The following FGL1 variants were observed in gnomAD, a reference collection of about 807,000 sequenced individuals.
FGL1 encodes the protein fibrinogen like 1.
In FGL1, 59 loss-of-function variants were observed where a neutral mutation model predicts 43.7. That is an observed-to-expected ratio of 1.35 (90% CI 1.10 to 1.68). The LOEUF (loss-of-function observed/expected upper bound fraction) is 1.68. FGL1 is among the 40% of genes most tolerant of loss of function. The pLI is 0.00. For synonymous variants in FGL1, 192 were observed against 126.5 expected, an observed-to-expected ratio of 1.52 and a Z score of -3.48; for missense variants, 596 against 373.0, an observed-to-expected ratio of 1.60 and a Z score of -4.92.
In FGL1 at chr8:17,874,784, CTTTCTTCTTT is replaced by C. The variant is rs1424163400; in HGVS notation, c.245-273_245-264del. The C allele has an allele frequency of 1.4e-3, 377 of 265,654 alleles. 1 individual carries two copies. Among genetic ancestry groups the C allele is most frequent in the African/African-American group, 7.7e-3 (349 of 45,280 alleles). 16.5% of individuals were successfully genotyped at this position (265,654 alleles called of 1,614,324 possible). A position where few individuals can be genotyped will look rare whatever the true frequency, so the allele number is the denominator to read the frequency against. On this transcript the variant is annotated intron_variant, in intron 3 of 7. Coordinates refer to ENST00000427924, the MANE Select transcript of FGL1 (RefSeq NM_004467.4). ...GAAATAAGAATCTAGTTTTTTGTTT[CTTTCTTCTTT>C]TTTCTTTTACATTTTTTTTAAGAAA...
intron 3 of FGL1, among the ~76,000 whole-genome samples, chr8:17,875,031 A>G (rs1479164872): frequency 6.6e-6 from 1 of 152,210 alleles, no homozygotes; most frequent in African/African-American, 2.4e-5. Context: ...GTTTTATCAG[A>G]CGGAATAGTA....
chr8:17,884,859 A>G (rs1185094915), intron 2 of FGL1, among the ~76,000 whole-genome samples: 2 of 152,160 alleles, frequency 1.3e-5, no homozygotes, highest in African/African-American at 2.4e-5. Context: ...GGACAACACA[A>G]GTTCGATGTA....
At chr8:17,865,167 G>C (rs1431758947) in intron 7 of FGL1, among the ~76,000 whole-genome samples, 3 of 151,994 alleles carry the variant, frequency 2.0e-5, no homozygotes, top group Non-Finnish European at 4.4e-5. Context: ...ACAGTGCATT[G>C]AAAAATAAGC....
intron 3 of FGL1, among the ~76,000 whole-genome samples, chr8:17,880,323 G>A (rs745604165): frequency 5.9e-5 from 9 of 152,194 alleles, no homozygotes; most frequent in Non-Finnish European, 1.0e-4. Flanking sequence ...AGTCTCATGC[G>A]CTACAGTGTG....
At chr8:17,867,929 T>G (rs2053294768) in intron 7 of FGL1, among the ~76,000 whole-genome samples, 1 of 152,080 alleles carries the variant, frequency 6.6e-6, no homozygotes, top group Non-Finnish European at 1.5e-5. Context: ...AATTAGCCCA[T>G]GTACCCCAGA....
rs2053438550 is a variant in FGL1, at chr8:17,875,539, T to TTCTTTCTCTC, written c.245-1019_245-1018insGAGAGAAAGA. Among the ~76,000 whole-genome samples, 4 of 14,658 alleles carry TTCTTTCTCTC rather than the reference T, an allele frequency of 2.7e-4. 1 individual carries two copies. Among genetic ancestry groups the TTCTTTCTCTC allele is most frequent in the South Asian group, 3.8e-3 (2 of 526 alleles). 9.6% of individuals were successfully genotyped at this position (14,658 alleles called of 152,430 possible). ...TCTTTCTTTCTTTCTTTCTTTCTCT[T>TTCTTTCTCTC]TCTTTCTTTCTTTCTTTCTTTCTTT... On this transcript the variant is annotated intron_variant, in intron 3 of 7. Coordinates refer to ENST00000427924, the MANE Select transcript of FGL1 (RefSeq NM_004467.4).
Position 17,864,411 on chromosome 8 carries a change from T to C in FGL1, c.*181A>G, listed in dbSNP as rs956633504. ...AAATATTAACACAGTCTACATTTATTTGGTGAATATTGCATATCTGCTGTA... is the reference window on the plus strand; with the variant it reads ...AAATATTAACACAGTCTACATTTATCTGGTGAATATTGCATATCTGCTGTA... On this transcript the variant is annotated 3_prime_UTR_variant, in exon 8 of 8. Coordinates refer to ENST00000427924, the MANE Select transcript of FGL1 (RefSeq NM_004467.4). 1 of 570,284 alleles carries C rather than the reference T, an allele frequency of 1.8e-6. No individual in the cohort carries two copies. The highest frequency in any genetic ancestry group is 1.9e-5 in the African/African-American group (1 of 52,898). The allele number at this position is 570,284 out of a possible 1,614,324, so 35.3% of individuals were successfully genotyped here.
chr8:17,873,942 C>G (rs2053403105), intron 5 of FGL1, 77 bp downstream of exon 5: 1 of 978,452 alleles, frequency 1.0e-6, no homozygotes, highest in Non-Finnish European at 1.5e-6. Flanking sequence ...GTTCCATTGC[C>G]TATAATTTGG....
chr8:17,887,462 G>C lies in FGL1; in HGVS notation c.-17-1891C>G, dbSNP rs188357323. 6.3e-3 allele frequency among the ~76,000 whole-genome samples: 958 copies of C among 152,288 alleles called. 30 individuals are homozygous for C. Among genetic ancestry groups the C allele is most frequent in the Admixed American group, 0.042 (636 of 15,298 alleles). On this transcript the variant is annotated intron_variant, in intron 1 of 7. Transcript: ENST00000427924. ...CTGTCCACATCAAATGGTCTAAAGA[G>C]AAACACCAAATTTCTGTATTACAAC...
At chr8:17,882,341 C>A (rs1479183894) in intron 2 of FGL1, 162 bp from the exon 3 acceptor site, 3 of 561,538 alleles carry the variant, frequency 5.3e-6, no homozygotes, top group East Asian at 3.2e-5. Context: ...ATACTGCCTA[C>A]TATTTGAAGA....
At chr8:17,874,196 C>T in intron 4 of FGL1, 80 bp from the exon 5 acceptor site, 8 of 1,344,344 alleles carry the variant, frequency 6.0e-6, no homozygotes, top group South Asian at 1.3e-5. Flanking sequence ...CCCCTGCTAC[C>T]ACCACCTCCA....
chr8:17,876,071 C>G (rs1345435784), intron 3 of FGL1, among the ~76,000 whole-genome samples: 1 of 152,060 alleles, frequency 6.6e-6, no homozygotes, highest in Non-Finnish European at 1.5e-5. Flanking sequence ...AAGTAGTGGT[C>G]ACTATAAACA....
intron 5 of FGL1, among the ~76,000 whole-genome samples, chr8:17,873,761 T>C (rs781651263): frequency 2.7e-5 from 4 of 150,052 alleles, no homozygotes; most frequent in Non-Finnish European, 4.4e-5. Context: ...TGTATATATA[T>C]CTATAAATAT....
chr8:17,892,194 AT>A (rs1446605918), intron 1 of FGL1, among the ~76,000 whole-genome samples: 1 of 152,216 alleles, frequency 6.6e-6, no homozygotes, highest in Non-Finnish European at 1.5e-5. Flanking sequence ...AAGGAAAAAA[AT>A]AAATGCCCTT....
At chr8:17,879,562 T>G (rs151271765) in intron 3 of FGL1, among the ~76,000 whole-genome samples, 84 of 152,160 alleles carry the variant, frequency 5.5e-4, no homozygotes, top group African/African-American at 1.9e-3. Context: ...ATCTGGTTTT[T>G]GAAACAGTGT....
At chr8:17,892,799 C>T (rs1037915622) in intron 1 of FGL1, among the ~76,000 whole-genome samples, 1 of 152,106 alleles carries the variant, frequency 6.6e-6, no homozygotes, top group Non-Finnish European at 1.5e-5. Flanking sequence ...ATCTTCTAGA[C>T]TTTGCTTTAA....
At chr8:17,872,497 T>C (rs928999900) in intron 5 of FGL1, among the ~76,000 whole-genome samples, 1 of 152,058 alleles carries the variant, frequency 6.6e-6, no homozygotes, top group Non-Finnish European at 1.5e-5. Context: ...GAGATGGGGT[T>C]TCACCATGTT....
chr8:17,875,724 C>T (rs1205883049), intron 3 of FGL1, among the ~76,000 whole-genome samples: 1 of 151,982 alleles, frequency 6.6e-6, no homozygotes, highest in Non-Finnish European at 1.5e-5. Context: ...CCTGCCTCAG[C>T]CTCCTGAGTA....
chr8:17,875,592 T>C (rs1437733549), intron 3 of FGL1, among the ~76,000 whole-genome samples: 51 of 116,046 alleles, frequency 4.4e-4, no homozygotes, highest in African/African-American at 1.5e-3. Context: ...TTTCTTTCTT[T>C]CTTTCTTTCT....
Sources: allele counts gnomAD v4.1 joint callset (sites outside exome capture counted in the v4.1 genomes callset), GRCh38; gene constraint gnomAD v4.1.1; transcripts MANE v1.5; gene names NCBI Gene and HGNC (gene_info 2026-07-23, HGNC 2026-07-21).